The following POFUT3 variants were observed in gnomAD, a reference collection of about 807,000 sequenced individuals.
POFUT3 encodes protein O-fucosyltransferase 3.
the POFUT3 span, among the ~76,000 whole-genome samples, chr8:33,374,010 T>C: frequency 1.3e-5 from 2 of 152,156 alleles, no homozygotes; most frequent in African/African-American, 4.8e-5. Flanking sequence ...CATGAACCAG[T>C]ACTGTTCCCT....
the POFUT3 span, among the ~76,000 whole-genome samples, chr8:33,402,450 C>T: frequency 1.2e-4 from 19 of 152,284 alleles, no homozygotes; most frequent in South Asian, 3.1e-3. Context: ...ATTTAATCTT[C>T]TTAGAGTCTC....
the POFUT3 span, among the ~76,000 whole-genome samples, chr8:33,379,978 C>G: frequency 1.1e-5 from 1 of 89,554 alleles, no homozygotes; most frequent in African/African-American, 5.2e-5. Context: ...TATATATACA[C>G]TCTATATATA....
chr8:33,363,129 A>G, the POFUT3 span, among the ~76,000 whole-genome samples: 459 of 152,298 alleles, frequency 3.0e-3, 11 homozygotes, highest in Admixed American at 0.028. Context: ...TCAAAACCGC[A>G]CAACTACATG....
chr8:33,401,873 C>T, the POFUT3 span, among the ~76,000 whole-genome samples: 1 of 151,966 alleles, frequency 6.6e-6, no homozygotes, highest in Admixed American at 6.6e-5. Context: ...ACTAAAAATA[C>T]AAAAATAAGC....
the POFUT3 span, among the ~76,000 whole-genome samples, chr8:33,412,525 C>A: frequency 6.6e-6 from 1 of 152,156 alleles, no homozygotes; most frequent in East Asian, 1.9e-4. Context: ...TGAGTAGATC[C>A]ACTGGTATGA....
chr8:33,315,244 T>C, the POFUT3 span, among the ~76,000 whole-genome samples: 11 of 152,290 alleles, frequency 7.2e-5, no homozygotes, highest in South Asian at 1.7e-3. Context: ...CTAATTTTCC[T>C]AGTAAATATC....
chr8:33,379,977 A>G, the POFUT3 span, among the ~76,000 whole-genome samples: 459 of 96,372 alleles, frequency 4.8e-3, 5 homozygotes, highest in Non-Finnish European at 7.3e-3. Context: ...CTATATATAC[A>G]CTCTATATAT....
chr8:33,443,410 C>T, the POFUT3 span, among the ~76,000 whole-genome samples: 3 of 152,208 alleles, frequency 2.0e-5, no homozygotes, highest in Non-Finnish European at 4.4e-5. Context: ...ACTGCTCCAA[C>T]GCTTTCAGGT....
the POFUT3 span, among the ~76,000 whole-genome samples, chr8:33,418,495 G>T: frequency 2.0e-5 from 3 of 149,766 alleles, no homozygotes; most frequent in Admixed American, 2.0e-4. Flanking sequence ...TAGAGACAGG[G>T]TTTCACCACG....
At chr8:33,472,828 T>C in the POFUT3 span, among the ~76,000 whole-genome samples, 1 of 152,214 alleles carries the variant, frequency 6.6e-6, no homozygotes, top group African/African-American at 2.4e-5. Flanking sequence ...GCAGTGGCTC[T>C]GCCTTTGCGC....
chr8:33,417,048 C>T, the POFUT3 span, among the ~76,000 whole-genome samples: 2 of 152,102 alleles, frequency 1.3e-5, no homozygotes, highest in Admixed American at 6.6e-5. Flanking sequence ...AGAGAAACAT[C>T]ATCTGTATTT....
the POFUT3 span, among the ~76,000 whole-genome samples, chr8:33,429,251 C>A: frequency 3.9e-5 from 6 of 152,120 alleles, no homozygotes; most frequent in African/African-American, 1.4e-4. Flanking sequence ...CTCTCGGACC[C>A]AAGGTCTTTC....
At chr8:33,359,374 T>C in the POFUT3 span, among the ~76,000 whole-genome samples, 1 of 152,232 alleles carries the variant, frequency 6.6e-6, no homozygotes, top group Non-Finnish European at 1.5e-5. Flanking sequence ...AATTGCCACT[T>C]CTTCCTATAA....
the POFUT3 span, chr8:33,436,527 G>T: frequency 9.0e-7 from 1 of 1,110,334 alleles, no homozygotes; most frequent in Non-Finnish European, 1.4e-6. Flanking sequence ...CATAAAGCTT[G>T]TGATGGTGCA....
At chr8:33,371,970 G>A in the POFUT3 span, 2 of 163,020 alleles carry the variant, frequency 1.2e-5, no homozygotes, top group Non-Finnish European at 2.6e-5. Flanking sequence ...AGGGAAAATG[G>A]GAGGCGATAG....
chr8:33,443,266 G>C, the POFUT3 span, among the ~76,000 whole-genome samples: 2 of 151,992 alleles, frequency 1.3e-5, no homozygotes, highest in African/African-American at 4.8e-5. Flanking sequence ...AAATGTCTTT[G>C]TTAGTTAAAT....
At chr8:33,382,983 G>A in the POFUT3 span, among the ~76,000 whole-genome samples, 1 of 152,104 alleles carries the variant, frequency 6.6e-6, no homozygotes, top group African/African-American at 2.4e-5. Context: ...CAACCCAAAA[G>A]GTAGAGCAAG....
the POFUT3 span, among the ~76,000 whole-genome samples, chr8:33,347,720 G>A: frequency 6.6e-6 from 1 of 152,142 alleles, no homozygotes; most frequent in Non-Finnish European, 1.5e-5. Context: ...GACCTTCAAG[G>A]AACTCAGTCT....
At chr8:33,421,002 T>C in the POFUT3 span, among the ~76,000 whole-genome samples, 4 of 151,742 alleles carry the variant, frequency 2.6e-5, no homozygotes, top group African/African-American at 7.3e-5. Context: ...AAATGTAAAT[T>C]CAGAAGACAC....
Sources: gnomAD v4.1 joint callset for allele counts (sites outside exome capture counted in the v4.1 genomes callset) on GRCh38, gnomAD v4.1.1 for gene constraint, MANE v1.5 for transcripts, NCBI Gene and HGNC (gene_info 2026-07-23, HGNC 2026-07-21) for gene names.